Variants in RUNDC1 observed in about 807,000 individuals in gnomAD.
The protein encoded by RUNDC1 is RUN domain containing 1.
Under a neutral mutation model 49.3 loss-of-function variants are expected in RUNDC1, and 31 were observed. That is an observed-to-expected ratio of 0.63 (90% CI 0.47 to 0.85). RUNDC1 has a LOEUF of 0.85. RUNDC1 is among the 40% of genes least tolerant of loss of function. The pLI, the probability that RUNDC1 is intolerant of heterozygous loss-of-function variation, is 0.00. For synonymous variants in RUNDC1, 347 were observed against 348.6 expected (o/e 1.00, Z 0.05); for missense variants, 715 against 806.7 (o/e 0.89, Z 1.38).
In RUNDC1 at chr17:42,980,984, C is replaced by CG. The variant is rs767630191; in HGVS notation, c.409dup (p.Val137GlyfsTer14). The CG allele has an allele frequency of 1.9e-6, 3 of 1,545,312 alleles. No individual in the cohort carries two copies. The South Asian group carries it at 3.5e-5, about 18-fold the overall frequency. On this transcript the variant is annotated frameshift_variant, in exon 1 of 5. Coordinates refer to ENST00000361677, the MANE Select transcript of RUNDC1 (RefSeq NM_173079.5). LOFTEE classifies it high-confidence loss of function. Reference sequence around the variant, plus strand: ...ACTTCGCCTTCCGCGGCTGCCCTCACGTCCTAGGTTACGAAGGGCCCGGCG... The same window carrying CG: ...ACTTCGCCTTCCGCGGCTGCCCTCACGGTCCTAGGTTACGAAGGGCCCGGCG...
In RUNDC1 at chr17:42,989,444, C is replaced by G. The variant is rs774644242; in HGVS notation, c.761C>G (p.Ala254Gly). ...ELRQRVDAAV[A>G]QIVNPARVKE... Reference sequence around the variant, plus strand: ...CGTCAGCGTGTAGATGCAGCAGTGGCTCAGATCGTCAACCCAGCCCGAGTC... The same window carrying G: ...CGTCAGCGTGTAGATGCAGCAGTGGGTCAGATCGTCAACCCAGCCCGAGTC... The change falls in exon 3 of 5, where the codon GCT (alanine) becomes GGT (glycine). Residue 254 changes from alanine to glycine, a missense_variant. Physicochemically the swap from Ala to Gly is moderately conservative, Grantham distance 60. This residue lies in a region of RUNDC1 where 425 missense variants were observed against 499.7 expected (regional missense o/e 0.85). Coordinates refer to ENST00000361677, the MANE Select transcript of RUNDC1 (RefSeq NM_173079.5). 3.7e-6 allele frequency: 6 copies of G among 1,613,794 alleles called. No individual in the cohort carries two copies. The South Asian group carries it at 6.6e-5, about 18-fold the overall frequency.
rs368913304 is a variant in RUNDC1 at position 42,990,885 on chromosome 17, G to A, written c.1011G>A (p.Thr337=). 1.7e-5 allele frequency: 27 copies of A among 1,604,280 alleles called. No individual in the cohort carries two copies. The East Asian group carries it at 1.8e-4, about 11-fold the overall frequency. Residue 337 remains threonine, a synonymous_variant, in exon 5 of 5, where the codon ACG becomes ACA. Coordinates refer to ENST00000361677, the MANE Select transcript of RUNDC1 (RefSeq NM_173079.5). ...AGGATGTGAAGAAAGTCCGGGAGAC[G>A]GGGCTGCACCTGATGCGGCGAGCGC... ...KAEDVKKVRE[T]GLHLMRRALA...
Position 42,989,554 on chromosome 17 carries a change from T to G in RUNDC1, c.856+15T>G. 1 of 1,609,726 alleles carries G rather than the reference T, an allele frequency of 6.2e-7. No homozygotes were observed. The highest frequency in any genetic ancestry group is 8.5e-7 in the Non-Finnish European group (1 of 1,176,018). On this transcript the variant is annotated intron_variant, in intron 3 of 4. Coordinates refer to ENST00000361677, the MANE Select transcript of RUNDC1 (RefSeq NM_173079.5). Reference sequence around the variant, plus strand: ...CTTCATCCAAGGTTAGAGGAGGGGATGGGATGAGAAGGGTGGACAGGTGTC... The same window carrying G: ...CTTCATCCAAGGTTAGAGGAGGGGAGGGGATGAGAAGGGTGGACAGGTGTC...
rs939520049 is a variant in RUNDC1, at chr17:42,994,840, C to T, written c.*3124C>T. Among the ~76,000 whole-genome samples, 2 of 152,116 alleles carry T rather than the reference C, an allele frequency of 1.3e-5. No homozygotes were observed. The highest frequency in any genetic ancestry group is 4.8e-5 in the African/African-American group (2 of 41,414). ...GACAGGACAAGGGAGGAGAGGCAGG[C>T]CAGTCCACCCAGATCCAAGGATATG... On this transcript the variant is annotated 3_prime_UTR_variant, in exon 5 of 5. Transcript: ENST00000361677.
In RUNDC1 at chr17:42,992,940, G is replaced by A. The variant is rs912824757; in HGVS notation, c.*1224G>A. The A allele has an allele frequency of 5.9e-5, 9 of 152,172 alleles. No individual in the cohort carries two copies. Among genetic ancestry groups the A allele is most frequent in the Non-Finnish European group, 1.2e-4 (8 of 68,034 alleles). The allele number at this position is 152,172 out of a possible 1,614,324, so 9.4% of individuals were successfully genotyped here. On this transcript the variant is annotated 3_prime_UTR_variant, in exon 5 of 5. Transcript: ENST00000361677. ...GTGATGTTTGTTACTATGTTCTCCA[G>A]CAAGTAAACATTCCTCTGCTCACCT...
chr17:42,994,272 C>A lies in RUNDC1; in HGVS notation c.*2556C>A, dbSNP rs2050281023. ...TATTGCCTTTTTCAAATCACAAAAA[C>A]AAAACTTGTATTAAGGCTTTGTGCT... On this transcript the variant is annotated 3_prime_UTR_variant, in exon 5 of 5. Coordinates refer to ENST00000361677, the MANE Select transcript of RUNDC1 (RefSeq NM_173079.5). Among the ~76,000 whole-genome samples, 2 of 152,322 alleles carry A rather than the reference C, an allele frequency of 1.3e-5. No individual in the cohort carries two copies. Among genetic ancestry groups the A allele is most frequent in the African/African-American group, 4.8e-5 (2 of 41,582 alleles).
rs544725908 is a variant in RUNDC1, at chr17:42,991,780, C to T, written c.*64C>T. On this transcript the variant is annotated 3_prime_UTR_variant, in exon 5 of 5. Coordinates refer to ENST00000361677, the MANE Select transcript of RUNDC1 (RefSeq NM_173079.5). ...AGGGATAGATGTGCTAGTCTTCTAG[C>T]ATAGGAGCAAGGAATCAGAGGTGGG... is the stretch of plus-strand genomic sequence containing the variant. The T allele has an allele frequency of 6.0e-6, 9 of 1,508,892 alleles. No individual in the cohort carries two copies. In the African/African-American group the frequency reaches 1.1e-4, roughly 19 times the overall value. 93.5% of individuals were successfully genotyped at this position (1,508,892 alleles called of 1,614,324 possible). A position where few individuals can be genotyped will look rare whatever the true frequency, so the allele number is the denominator to read the frequency against.
At chr17:42,985,625 T>A (rs1249119008) in intron 1 of RUNDC1, 24 of 344,922 alleles carry the variant, frequency 7.0e-5, no homozygotes, top group South Asian at 5.8e-4. Flanking sequence ...TTTTCATTTC[T>A]TCTCTCTCAT....
chr17:42,990,285 A>AT (rs1226974356), intron 3 of RUNDC1, 32 bp from the exon 4 acceptor site: 2 of 1,611,124 alleles, frequency 1.2e-6, no homozygotes, highest in Non-Finnish European at 1.7e-6. Context: ...AAAGGGCTAA[A>AT]TAAGTGTCTC....
chr17:42,990,352 C>T lies in RUNDC1; in HGVS notation c.892C>T (p.His298Tyr), dbSNP rs747514103. The T allele has an allele frequency of 2.5e-6, 4 of 1,614,090 alleles. No individual in the cohort carries two copies. Among genetic ancestry groups the T allele is most frequent in the Non-Finnish European group, 3.4e-6 (4 of 1,180,014 alleles). ...AAGCCCCTTGCAGACAGGTGGTGGACACTGTGAGTGCAAGGCCGGTGGGAA... is the reference window on the plus strand; with the variant it reads ...AAGCCCCTTGCAGACAGGTGGTGGATACTGTGAGTGCAAGGCCGGTGGGAA... ...VGSPLQTGGG[H>Y]CECKAGGKTG... The change falls in exon 4 of 5, where the codon CAC becomes TAC. Residue 298 changes from histidine to tyrosine, a missense_variant. By Grantham distance (83) the His-to-Tyr change is moderately conservative. This residue lies in a region of RUNDC1 where 425 missense variants were observed against 499.7 expected (regional missense o/e 0.85). Coordinates refer to ENST00000361677, the MANE Select transcript of RUNDC1 (RefSeq NM_173079.5).
intron 1 of RUNDC1, among the ~76,000 whole-genome samples, chr17:42,983,015 AC>A (rs2050123979): frequency 7.0e-6 from 1 of 142,310 alleles, no homozygotes; most frequent in African/African-American, 2.6e-5. Flanking sequence ...AAAATTAAAA[AC>A]TGAAAAAAAA....
intron 1 of RUNDC1, among the ~76,000 whole-genome samples, chr17:42,986,753 C>T (rs2050177850): frequency 6.6e-6 from 1 of 152,164 alleles, no homozygotes; most frequent in South Asian, 2.1e-4. Context: ...CCCGCCTCGG[C>T]CTCCCAAAGT....
Position 42,980,599 on chromosome 17 carries a change from C to A in RUNDC1, c.23C>A (p.Ala8Glu). ...AAGATGGCGGCTGTCGAAGCGGCTG[C>A]AGAGCCGGTAACGGTGGTGGCGGCT... MAAVEAA[A>E]EPVTVVAAVG... The change falls in exon 1 of 5, where the codon GCA becomes GAA. Residue 8 changes from alanine (A) to glutamate (E), a missense_variant. Transcript: ENST00000361677. 1.2e-6 allele frequency: 2 copies of A among 1,609,788 alleles called. No homozygotes were observed. Among genetic ancestry groups the A allele is most frequent in the Non-Finnish European group, 1.7e-6 (2 of 1,179,350 alleles).
chr17:42,982,837 A>G (rs1381551176), intron 1 of RUNDC1, among the ~76,000 whole-genome samples: 1 of 126,140 alleles, frequency 7.9e-6, no homozygotes, highest in Non-Finnish European at 1.7e-5. Flanking sequence ...AAAAAAAAAA[A>G]CTAGCCAGAC....
rs1180859280 is a variant in RUNDC1 at position 42,980,672 on chromosome 17, G to C, written c.96G>C (p.Leu32=). The C allele has an allele frequency of 6.3e-7, 1 of 1,581,574 alleles. No homozygotes were observed. Among genetic ancestry groups the C allele is most frequent in the African/African-American group, 1.3e-5 (1 of 74,622 alleles). ...AAGAGGAGGAGGAAGAGGAGCCGCT[G>C]CCACCGTGCGAGGCGGTGCGCTGGG... The part of the protein sequence containing the change: ...KDEEEEEEEP[L]PPCEAVRWAP... Residue 32 remains leucine, a synonymous_variant, in exon 1 of 5, where the codon CTG becomes CTC. Coordinates refer to ENST00000361677, the MANE Select transcript of RUNDC1 (RefSeq NM_173079.5).
rs369900518 is a variant in RUNDC1 at position 42,990,279 on chromosome 17, G to T, written c.857-38G>T. 28 of 1,609,542 alleles carry T rather than the reference G, an allele frequency of 1.7e-5. No individual in the cohort carries two copies. In the African/African-American group the frequency reaches 2.7e-4, roughly 15 times the overall value. Reference sequence around the variant, plus strand: ...TTTCCTTTAAAGATCTGCCATAAAGGGCTAAATAAGTGTCTCTTCTATAAT... The same window carrying T: ...TTTCCTTTAAAGATCTGCCATAAAGTGCTAAATAAGTGTCTCTTCTATAAT... On this transcript the variant is annotated intron_variant, in intron 3 of 4. Coordinates refer to ENST00000361677, the MANE Select transcript of RUNDC1 (RefSeq NM_173079.5).
At chr17:42,982,674 C>T (rs562557419) in intron 1 of RUNDC1, among the ~76,000 whole-genome samples, 1 of 151,982 alleles carries the variant, frequency 6.6e-6, no homozygotes, top group African/African-American at 2.4e-5. Context: ...TACTATGTAC[C>T]CATAAAAATT....
chr17:42,987,463 C>G, intron 2 of RUNDC1, 49 bp downstream of exon 2: 1 of 1,580,616 alleles, frequency 6.3e-7, no homozygotes, highest in Non-Finnish European at 8.7e-7. Flanking sequence ...GTTAACTTGT[C>G]CCTTCCAGCA....
chr17:42,983,211 C>A, intron 1 of RUNDC1, among the ~76,000 whole-genome samples: 1 of 47,220 alleles, frequency 2.1e-5, no homozygotes. Context: ...AACATTGTAC[C>A]ACCTTAAAAA....
Sources: allele counts gnomAD v4.1 joint callset (sites outside exome capture counted in the v4.1 genomes callset), GRCh38; gene constraint gnomAD v4.1.1; regional missense constraint gnomAD v4.1.1; transcripts MANE v1.5; gene names NCBI Gene and HGNC (gene_info 2026-07-23, HGNC 2026-07-21).